Variants in HNRNPA1L2 observed in about 807,000 individuals in gnomAD.
The protein encoded by HNRNPA1L2 is heterogeneous nuclear ribonucleoprotein A1 like 2.
In HNRNPA1L2, 10 loss-of-function variants were observed where a neutral mutation model predicts 18.2. That is an observed-to-expected ratio of 0.55 (90% CI 0.34 to 0.93). The LOEUF (loss-of-function observed/expected upper bound fraction) is 0.93, where lower values mean the gene tolerates loss of function less well. Ranked by LOEUF, HNRNPA1L2 falls within the 40% of genes least tolerant of loss-of-function variation. The pLI is 0.02. For missense variants in HNRNPA1L2, 308 were observed against 394.4 expected (o/e 0.78, Z 1.85); for synonymous variants, 124 against 138.6 (o/e 0.89, Z 0.74).
chr13:52,635,832 T>G, the HNRNPA1L2 span, among the ~76,000 whole-genome samples: 1 of 60,638 alleles, frequency 1.6e-5, no homozygotes, highest in Admixed American at 2.4e-4. Flanking sequence ...TGTATTACTG[T>G]TTTTTTTTTT....
At chr13:52,642,143 T>G, upstream of HNRNPA1L2, 2 of 290,636 alleles carry the variant, frequency 6.9e-6, no homozygotes, top group Non-Finnish European at 1.3e-5. Context: ...TTAAACCATA[T>G]TGTTTGCCAA....
the HNRNPA1L2 span, among the ~76,000 whole-genome samples, chr13:52,628,683 A>G: frequency 1.2e-4 from 19 of 152,338 alleles, no homozygotes; most frequent in African/African-American, 4.6e-4. Context: ...TTTCTGAAGA[A>G]CATCTTTAAA....
the HNRNPA1L2 span, among the ~76,000 whole-genome samples, chr13:52,633,793 C>G: frequency 6.6e-6 from 1 of 152,022 alleles, no homozygotes; most frequent in Non-Finnish European, 1.5e-5. Flanking sequence ...GCCTAAGCGA[C>G]AGAGTGAGAC....
chr13:52,637,632 C>G (rs142152548), upstream of HNRNPA1L2, among the ~76,000 whole-genome samples: 1 of 152,184 alleles, frequency 6.6e-6, no homozygotes, highest in East Asian at 1.9e-4. Flanking sequence ...AATTCAAAAA[C>G]CAAATTTTGA....
the HNRNPA1L2 span, among the ~76,000 whole-genome samples, chr13:52,635,375 T>A: frequency 6.6e-6 from 1 of 151,848 alleles, no homozygotes; most frequent in Non-Finnish European, 1.5e-5. Context: ...TTTGAAAAAA[T>A]AATTAAGGAT....
chr13:52,630,248 T>G, the HNRNPA1L2 span, among the ~76,000 whole-genome samples: 1 of 152,240 alleles, frequency 6.6e-6, no homozygotes, highest in Non-Finnish European at 1.5e-5. Context: ...TGGCATGGTC[T>G]GACAAAAGTT....
chr13:52,626,564 G>A, the HNRNPA1L2 span, among the ~76,000 whole-genome samples: 5 of 151,738 alleles, frequency 3.3e-5, no homozygotes, highest in Admixed American at 2.0e-4. Flanking sequence ...TAAAATATAC[G>A]CAAAGTACGC....
At chr13:52,619,437 T>C in the HNRNPA1L2 span, among the ~76,000 whole-genome samples, 1 of 152,124 alleles carries the variant, frequency 6.6e-6, no homozygotes, top group African/African-American at 2.4e-5. Context: ...CTCAGCCTCC[T>C]GAATAGCTGG....
chr13:52,631,513 T>G, the HNRNPA1L2 span, among the ~76,000 whole-genome samples: 4 of 152,182 alleles, frequency 2.6e-5, no homozygotes, highest in African/African-American at 7.2e-5. Flanking sequence ...GAAAGAAGAA[T>G]GCAAGGCACT....
upstream of HNRNPA1L2, chr13:52,641,458 A>G (rs1961652086): frequency 6.6e-6 from 1 of 152,178 alleles, no homozygotes; most frequent in Admixed American, 6.5e-5. Context: ...AGTTTTGCCC[A>G]ATCTGAAGTG....
the HNRNPA1L2 span, among the ~76,000 whole-genome samples, chr13:52,630,271 A>G: frequency 6.6e-6 from 1 of 152,026 alleles, no homozygotes; most frequent in Non-Finnish European, 1.5e-5. Context: ...CGTGTCTTTT[A>G]TTTATTTATT....
chr13:52,631,351 A>C, the HNRNPA1L2 span, among the ~76,000 whole-genome samples: 1 of 152,234 alleles, frequency 6.6e-6, no homozygotes, highest in Non-Finnish European at 1.5e-5. Flanking sequence ...AACCACGTAT[A>C]AACTCTCTGG....
At chr13:52,634,697 G>A in the HNRNPA1L2 span, among the ~76,000 whole-genome samples, 1 of 152,126 alleles carries the variant, frequency 6.6e-6, no homozygotes, top group Non-Finnish European at 1.5e-5. Flanking sequence ...TCCCCACTAA[G>A]TTCTTACCAC....
At chr13:52,633,777 A>T in the HNRNPA1L2 span, among the ~76,000 whole-genome samples, 1 of 152,098 alleles carries the variant, frequency 6.6e-6, no homozygotes, top group Non-Finnish European at 1.5e-5. Context: ...GTGCCATAAC[A>T]CTCCAGCCTA....
chr13:52,642,927 A>C lies in HNRNPA1L2; in HGVS notation c.435A>C (p.Lys145Asn). 2 of 1,597,040 alleles carry C rather than the reference A, an allele frequency of 1.3e-6. No individual in the cohort carries two copies. Among genetic ancestry groups the C allele is most frequent in the Non-Finnish European group, 1.7e-6 (2 of 1,179,782 alleles). ...EIMTDRGSGK[K>N]RGFAFVTFDD... ...TGACTGACCGAGGCAGTGGCAAGAAAAGGGGCTTTGCCTTTGTAACCTTTG... is the reference window on the plus strand; with the variant it reads ...TGACTGACCGAGGCAGTGGCAAGAACAGGGGCTTTGCCTTTGTAACCTTTG... The change falls in exon 1 of 1, where the codon AAA becomes AAC. Residue 145 changes from lysine (K) to asparagine (N), a missense_variant. By Grantham distance (94) the Lys-to-Asn change is moderately conservative. Transcript: ENST00000357495.
the HNRNPA1L2 span, among the ~76,000 whole-genome samples, chr13:52,636,415 A>G: frequency 3.3e-5 from 5 of 152,236 alleles, no homozygotes; most frequent in African/African-American, 9.6e-5. Flanking sequence ...AATATGGCTC[A>G]TTTTCAAAAG....
the HNRNPA1L2 span, among the ~76,000 whole-genome samples, chr13:52,618,800 A>T: frequency 6.6e-6 from 1 of 152,172 alleles, no homozygotes; most frequent in Non-Finnish European, 1.5e-5. Context: ...TACTGATGAG[A>T]TACTGTCAGT....
At chr13:52,639,278 T>C (rs1407422247), upstream of HNRNPA1L2, among the ~76,000 whole-genome samples, 1 of 152,176 alleles carries the variant, frequency 6.6e-6, no homozygotes, top group Non-Finnish European at 1.5e-5. Flanking sequence ...TTTGCCCAAA[T>C]GTAGGTTAAT....
the HNRNPA1L2 span, among the ~76,000 whole-genome samples, chr13:52,621,047 T>A: frequency 5.4e-4 from 83 of 152,346 alleles, no homozygotes; most frequent in South Asian, 0.015. Flanking sequence ...GAATGATTTT[T>A]AAATATATTA....
Sources: allele counts gnomAD v4.1 joint callset (sites outside exome capture counted in the v4.1 genomes callset), GRCh38; gene constraint gnomAD v4.1.1; transcripts MANE v1.5; gene names NCBI Gene and HGNC (gene_info 2026-07-23, HGNC 2026-07-21).